Variants in DIS3L2 observed in about 807,000 individuals in gnomAD.
DIS3L2 encodes DIS3 like 3'-5' exoribonuclease 2, also known as DIS3-like exonuclease 2.
Under a neutral mutation model 97.5 loss-of-function variants are expected in DIS3L2, and 34 were observed. That is an observed-to-expected ratio of 0.35 (90% CI 0.27 to 0.46). DIS3L2 has a LOEUF of 0.46. Among genes scored for constraint, DIS3L2 ranks in the 20% least tolerant of loss-of-function variants. The probability of loss-of-function intolerance (pLI) is 1.00; values close to 1 mark genes in which losing one functional copy is unlikely to be tolerated. For synonymous variants in DIS3L2, 435 were observed against 445.2 expected, an observed-to-expected ratio of 0.98 and a Z score of 0.29; for missense variants, 1,038 against 1,146.0, an observed-to-expected ratio of 0.91 and a Z score of 1.36.
chr2:232,053,245 A>G (rs1695456773), intron 5 of DIS3L2, among the ~76,000 whole-genome samples: 1 of 152,204 alleles, frequency 6.6e-6, no homozygotes, highest in African/African-American at 2.4e-5. Context: ...TTCTGTTAAG[A>G]CTATACAGAA....
chr2:232,270,402 G>GT (rs1693956149), intron 13 of DIS3L2, among the ~76,000 whole-genome samples: 1 of 152,160 alleles, frequency 6.6e-6, no homozygotes, highest in South Asian at 2.1e-4. Flanking sequence ...CATATGTATA[G>GT]TTTTTATTTA....
chr2:232,298,643 C>T (rs1694780268), intron 13 of DIS3L2, among the ~76,000 whole-genome samples: 1 of 152,084 alleles, frequency 6.6e-6, no homozygotes, highest in South Asian at 2.1e-4. Context: ...CGTCCAGTAT[C>T]TAATGATGCA....
At chr2:232,015,116 A>G (rs1052729966) in intron 2 of DIS3L2, 137 bp downstream of exon 2, 17 of 819,210 alleles carry the variant, frequency 2.1e-5, no homozygotes, top group Non-Finnish European at 2.4e-5. Flanking sequence ...ATTCTGTGTG[A>G]TTTATTCTAG....
chr2:232,188,973 C>T (rs1490555690), intron 9 of DIS3L2, among the ~76,000 whole-genome samples: 1 of 152,174 alleles, frequency 6.6e-6, no homozygotes, highest in East Asian at 1.9e-4. Context: ...AAATGTTTAA[C>T]ATCACGACCC....
At chr2:232,024,683 T>C (rs1042448749) in intron 4 of DIS3L2, among the ~76,000 whole-genome samples, 1 of 152,164 alleles carries the variant, frequency 6.6e-6, no homozygotes, top group Non-Finnish European at 1.5e-5. Context: ...CCTAAACAAA[T>C]ATGCTATCTA....
intron 1 of DIS3L2, among the ~76,000 whole-genome samples, chr2:231,972,368 C>G (rs1391596768): frequency 6.6e-6 from 1 of 152,072 alleles, no homozygotes; most frequent in Non-Finnish European, 1.5e-5. Flanking sequence ...CTCGTTTACA[C>G]CAGCATCAAC....
At chr2:232,273,308 A>G (rs1314907196) in intron 13 of DIS3L2, among the ~76,000 whole-genome samples, 1 of 152,114 alleles carries the variant, frequency 6.6e-6, no homozygotes, top group African/African-American at 2.4e-5. Context: ...TAAAGACAAC[A>G]TCTTGTCCAC....
intron 5 of DIS3L2, among the ~76,000 whole-genome samples, chr2:232,079,517 G>A (rs1696319042): frequency 6.8e-6 from 1 of 147,556 alleles, no homozygotes; most frequent in African/African-American, 2.5e-5. Context: ...GGAGAATGGT[G>A]TGAACCGGGG....
At chr2:232,087,788 T>A in intron 6 of DIS3L2, 67 bp downstream of exon 6, 1 of 1,255,908 alleles carries the variant, frequency 8.0e-7, no homozygotes, top group South Asian at 1.3e-5. Context: ...ATTCCCTCTC[T>A]GCTGCAGAGT....
At chr2:232,083,736 C>T (rs1205026852) in intron 5 of DIS3L2, among the ~76,000 whole-genome samples, 1 of 152,164 alleles carries the variant, frequency 6.6e-6, no homozygotes, top group Non-Finnish European at 1.5e-5. Flanking sequence ...TGCAAGTGAT[C>T]TGCCTGCATT....
At chr2:232,291,517 TGGAGGCTTCCCAGGCC>T (rs1694597648) in intron 13 of DIS3L2, among the ~76,000 whole-genome samples, 1 of 152,234 alleles carries the variant, frequency 6.6e-6, no homozygotes, top group Non-Finnish European at 1.5e-5. Flanking sequence ...GTGGAGAGGC[TGGAGGCTTCCCAGGCC>T]GGCCTTGACC....
intron 1 of DIS3L2, among the ~76,000 whole-genome samples, chr2:231,985,531 T>C (rs1012156986): frequency 6.6e-6 from 1 of 152,244 alleles, no homozygotes; most frequent in Admixed American, 6.5e-5. Flanking sequence ...AAAGCTGCCG[T>C]CAGCGTTCAT....
intron 5 of DIS3L2, among the ~76,000 whole-genome samples, chr2:232,064,574 G>T (rs1695802049): frequency 6.6e-6 from 1 of 152,076 alleles, no homozygotes; most frequent in African/African-American, 2.4e-5. Context: ...GGAATTGCTG[G>T]ATCATATGGT....
intron 13 of DIS3L2, among the ~76,000 whole-genome samples, chr2:232,278,347 C>T (rs1384432122): frequency 6.6e-6 from 1 of 152,110 alleles, no homozygotes; most frequent in Non-Finnish European, 1.5e-5. Context: ...ACAGTAAAAT[C>T]CACCCTTTTT....
At chr2:232,071,904 T>A (rs1255808442) in intron 5 of DIS3L2, among the ~76,000 whole-genome samples, 1 of 152,172 alleles carries the variant, frequency 6.6e-6, no homozygotes, top group African/African-American at 2.4e-5. Context: ...ATAATCAGAA[T>A]TTTTATTTCT....
chr2:232,322,776 G>A (rs887503559), intron 14 of DIS3L2, among the ~76,000 whole-genome samples: 5 of 152,190 alleles, frequency 3.3e-5, no homozygotes, highest in African/African-American at 9.7e-5. Context: ...GAGACGGAGA[G>A]AAAGAAAGAC....
At chr2:232,193,161 T>C (rs571312933) in intron 9 of DIS3L2, among the ~76,000 whole-genome samples, 1 of 152,368 alleles carries the variant, frequency 6.6e-6, no homozygotes, top group Admixed American at 6.5e-5. Context: ...GATCAGATTA[T>C]TCCGTTTTGA....
intron 12 of DIS3L2, among the ~76,000 whole-genome samples, chr2:232,250,529 A>G (rs1186551046): frequency 6.6e-6 from 1 of 151,742 alleles, no homozygotes; most frequent in Non-Finnish European, 1.5e-5. Flanking sequence ...ACCCTAAACA[A>G]TTCAGAAATT....
intron 9 of DIS3L2, among the ~76,000 whole-genome samples, chr2:232,203,183 C>A (rs77108518): frequency 0.011 from 1,609 of 152,212 alleles, 28 homozygotes; most frequent in African/African-American, 0.036. Context: ...ATTCTTTATC[C>A]ACTTAAGGTT....
Sources: gnomAD v4.1 joint callset for allele counts (sites outside exome capture counted in the v4.1 genomes callset) on GRCh38, gnomAD v4.1.1 for gene constraint, MANE v1.5 for transcripts, NCBI Gene and HGNC (gene_info 2026-07-23, HGNC 2026-07-21) for gene names.